MIPEP: variants seen among roughly 807,000 people sequenced by gnomAD.
MIPEP encodes mitochondrial intermediate peptidase.
Under a neutral mutation model 90.3 loss-of-function variants are expected in MIPEP, and 79 were observed. The ratio of observed to expected loss-of-function variants is 0.87; its 90% confidence interval spans 0.73 to 1.05. The LOEUF (loss-of-function observed/expected upper bound fraction) is 1.05. Among genes scored for constraint, MIPEP ranks in the 50% least tolerant of loss-of-function variants. The probability of loss-of-function intolerance (pLI) is 0.00; values close to 1 mark genes in which losing one functional copy is unlikely to be tolerated. For missense variants in MIPEP, 940 were observed against 905.6 expected (o/e 1.04, Z -0.49); for synonymous variants, 334 against 315.8 (o/e 1.06, Z -0.61).
Position 23,846,058 on chromosome 13 carries a change from G to A in MIPEP, c.1107-4570C>T, listed in dbSNP as rs538282042. On this transcript the variant is annotated intron_variant, in intron 10 of 18. Transcript: ENST00000382172. ...TAATTTTGATACTTTTGGTAGATAC[G>A]GGCCTCTATTGGTTTTAAAATAAAC... Among the ~76,000 whole-genome samples, 255 of 151,626 alleles carry A rather than the reference G, an allele frequency of 1.7e-3. 1 individual carries two copies. Among genetic ancestry groups the A allele is most frequent in the Non-Finnish European group, 1.8e-3 (125 of 67,940 alleles).
rs565416265 is a variant in MIPEP, at chr13:23,782,625, C to T, written c.1849-22408G>A. Among the ~76,000 whole-genome samples the T allele has an allele frequency of 2.0e-5, 3 of 152,032 alleles. No individual in the cohort carries two copies. The East Asian group carries it at 5.8e-4, about 29-fold the overall frequency. The stretch of plus-strand genomic sequence containing the variant: ...AAGATCAGAGAAGAACTGAAGGAGA[C>T]AGAGACACAAAAAAGTCTTCAAAAA... On this transcript the variant is annotated intron_variant, in intron 16 of 18. Transcript: ENST00000382172.
intron 10 of MIPEP, among the ~76,000 whole-genome samples, chr13:23,856,565 C>G (rs995788177): frequency 6.6e-6 from 1 of 152,148 alleles, no homozygotes; most frequent in African/African-American, 2.4e-5. Context: ...GAAGGGGGTG[C>G]TAACTTCCCG....
intron 16 of MIPEP, among the ~76,000 whole-genome samples, chr13:23,790,851 TC>T (rs1185349961): frequency 6.6e-6 from 1 of 152,220 alleles, no homozygotes; most frequent in Non-Finnish European, 1.5e-5. Context: ...CAACTAATAC[TC>T]TGGCCTCTCG....
At chr13:23,839,579 C>CA in intron 12 of MIPEP, 70 bp downstream of exon 12, 1 of 969,200 alleles carries the variant, frequency 1.0e-6, no homozygotes, top group Non-Finnish European at 1.5e-6. Flanking sequence ...AAAAATGATA[C>CA]AAAGTTCACA....
At chr13:23,858,933 G>C (rs764333705) in intron 9 of MIPEP, 21 bp from the exon 10 acceptor site, 2 of 1,605,482 alleles carry the variant, frequency 1.2e-6, no homozygotes, top group Non-Finnish European at 1.7e-6. Flanking sequence ...ATAATTCACT[G>C]TTAAGGAAAG....
chr13:23,734,635 A>G (rs1484556832), intron 18 of MIPEP, among the ~76,000 whole-genome samples: 1 of 152,126 alleles, frequency 6.6e-6, no homozygotes, highest in East Asian at 1.9e-4. Context: ...TCAAACTCCA[A>G]ATGGTGCTAT....
intron 16 of MIPEP, among the ~76,000 whole-genome samples, chr13:23,795,360 C>G (rs1285375506): frequency 6.6e-6 from 1 of 152,066 alleles, no homozygotes; most frequent in African/African-American, 2.4e-5. Flanking sequence ...AAAAACAGAC[C>G]CTTATGCCAT....
Position 23,806,528 on chromosome 13 carries a change from A to G in MIPEP, c.1729-459T>C, listed in dbSNP as rs554523298. Among the ~76,000 whole-genome samples the G allele has an allele frequency of 1.2e-4, 18 of 152,240 alleles. No individual in the cohort carries two copies. The Middle Eastern group carries it at 0.014, about 115-fold the overall frequency. On this transcript the variant is annotated intron_variant, in intron 15 of 18. Transcript: ENST00000382172. ...CCGTTTCTACTAAAAATACAAAAAAATTAGACAGGCGTGGTGGCAGGCACC... is the reference window on the plus strand; with the variant it reads ...CCGTTTCTACTAAAAATACAAAAAAGTTAGACAGGCGTGGTGGCAGGCACC...
chr13:23,743,289 G>A (rs1449513832), intron 18 of MIPEP, among the ~76,000 whole-genome samples: 2 of 152,178 alleles, frequency 1.3e-5, no homozygotes, highest in Non-Finnish European at 2.9e-5. Context: ...AAAATCTTAA[G>A]TGAATTTTAT....
chr13:23,819,286 G>A lies in MIPEP; in HGVS notation c.1654-9362C>T, dbSNP rs1205544560. ...GAAGCAGGTAGATCCCATACAGTCC[G>A]GTGTTTCCTGAAAATAGGAGATCGC... is the stretch of plus-strand genomic sequence containing the variant. On this transcript the variant is annotated intron_variant, in intron 14 of 18. Coordinates refer to ENST00000382172, the MANE Select transcript of MIPEP (RefSeq NM_005932.4). Among the ~76,000 whole-genome samples, 5 of 152,132 alleles carry A rather than the reference G, an allele frequency of 3.3e-5. No homozygotes were observed. The East Asian group carries it at 7.7e-4, about 23-fold the overall frequency.
chr13:23,838,219 C>A (rs1593183033), intron 12 of MIPEP, among the ~76,000 whole-genome samples: 1 of 152,104 alleles, frequency 6.6e-6, no homozygotes, highest in East Asian at 1.9e-4. Flanking sequence ...TCGCAGTTCA[C>A]TGCAGCCTGG....
chr13:23,735,275 C>A (rs960953053), intron 18 of MIPEP, among the ~76,000 whole-genome samples: 1 of 152,122 alleles, frequency 6.6e-6, no homozygotes, highest in African/African-American at 2.4e-5. Flanking sequence ...TTGGAGCCCC[C>A]CTTCCTCTGT....
intron 14 of MIPEP, 38 bp downstream of exon 14, chr13:23,836,202 C>A (rs1869032974): frequency 1.5e-6 from 2 of 1,365,150 alleles, no homozygotes; most frequent in Non-Finnish European, 2.0e-6. Context: ...CCAACTATCA[C>A]AACCCAAAGG....
At chr13:23,824,858 T>C (rs1953347686) in intron 14 of MIPEP, among the ~76,000 whole-genome samples, 5 of 152,222 alleles carry the variant, frequency 3.3e-5, no homozygotes, top group African/African-American at 7.2e-5. Context: ...TTAAAAATGC[T>C]TACACTTTAT....
chr13:23,793,976 G>T (rs1952928703), intron 16 of MIPEP, among the ~76,000 whole-genome samples: 1 of 152,130 alleles, frequency 6.6e-6, no homozygotes, highest in Non-Finnish European at 1.5e-5. Flanking sequence ...AGGGTTTTAA[G>T]GGAAGGGACG....
rs78363766 is a variant in MIPEP at position 23,867,394 on chromosome 13, C to T, written c.943+1898G>A. Among the ~76,000 whole-genome samples, 100 of 152,280 alleles carry T rather than the reference C, an allele frequency of 6.6e-4. No individual in the cohort carries two copies. In the East Asian group the frequency reaches 0.018, roughly 28 times the overall value. ...CTCATGCTTGTGTCTGTCAAGAGCA[C>T]GCTCACATTCCACATTCTAAGTGAG... On this transcript the variant is annotated intron_variant, in intron 7 of 18. Coordinates refer to ENST00000382172, the MANE Select transcript of MIPEP (RefSeq NM_005932.4).
intron 18 of MIPEP, among the ~76,000 whole-genome samples, chr13:23,731,952 T>C (rs1391253688): frequency 7.2e-6 from 1 of 139,520 alleles, no homozygotes. Flanking sequence ...CTATTACACA[T>C]CCACCAGAAT....
At chr13:23,771,629 G>T (rs1952652940) in intron 16 of MIPEP, among the ~76,000 whole-genome samples, 1 of 151,418 alleles carries the variant, frequency 6.6e-6, no homozygotes, top group African/African-American at 2.4e-5. Context: ...CTTCTCATAA[G>T]CTTAGGCCAA....
intron 16 of MIPEP, among the ~76,000 whole-genome samples, chr13:23,790,764 C>T (rs1952890339): frequency 6.6e-6 from 1 of 152,210 alleles, no homozygotes; most frequent in African/African-American, 2.4e-5. Context: ...CTGTGGTCTT[C>T]TCCAGAATTC....
Sources: allele counts gnomAD v4.1 joint callset (sites outside exome capture counted in the v4.1 genomes callset), GRCh38; gene constraint gnomAD v4.1.1; transcripts MANE v1.5; gene names NCBI Gene and HGNC (gene_info 2026-07-23, HGNC 2026-07-21).